IMMP2L: variants seen among roughly 807,000 people sequenced by gnomAD.
The protein encoded by IMMP2L is inner mitochondrial membrane peptidase subunit 2.
IMMP2L carries 18 observed loss-of-function variants against 19.3 expected under a neutral mutation model. The observed-to-expected ratio is 0.93, with a 90% CI of 0.64 to 1.38. IMMP2L has a LOEUF of 1.38. IMMP2L is among the 40% of genes most tolerant of loss of function. The probability of loss-of-function intolerance (pLI) is 0.00; values close to 1 mark genes in which losing one functional copy is unlikely to be tolerated. For synonymous variants in IMMP2L, 76 were observed against 73.0 expected (o/e 1.04, Z -0.21); for missense variants, 233 against 218.2 (o/e 1.07, Z -0.43).
chr7:110,775,203 T>C (rs1290982236), intron 5 of IMMP2L, among the ~76,000 whole-genome samples: 1 of 151,892 alleles, frequency 6.6e-6, no homozygotes, highest in Non-Finnish European at 1.5e-5. Context: ...TCTTTTACTT[T>C]TCTGCATTTT....
intron 3 of IMMP2L, among the ~76,000 whole-genome samples, chr7:111,016,639 ATAT>A (rs1345573249): frequency 2.7e-5 from 3 of 109,360 alleles, no homozygotes; most frequent in Non-Finnish European, 4.9e-5. Context: ...TAATGCATAT[ATAT>A]TATGTGCATA....
At chr7:110,815,769 A>G (rs1003547204) in intron 5 of IMMP2L, among the ~76,000 whole-genome samples, 1 of 152,058 alleles carries the variant, frequency 6.6e-6, no homozygotes, top group Non-Finnish European at 1.5e-5. Context: ...TGTTTGTATT[A>G]TTCTCTGATG....
At chr7:111,515,469 T>G (rs755404082) in intron 2 of IMMP2L, among the ~76,000 whole-genome samples, 5 of 152,118 alleles carry the variant, frequency 3.3e-5, no homozygotes, top group Non-Finnish European at 7.4e-5. Context: ...ATGTGGCCAT[T>G]GAAACCAAAA....
chr7:111,101,838 C>G (rs536480407), intron 3 of IMMP2L, among the ~76,000 whole-genome samples: 1 of 151,282 alleles, frequency 6.6e-6, no homozygotes, highest in Non-Finnish European at 1.5e-5. Flanking sequence ...CTACTGCCCC[C>G]AATCTAAAAA....
rs190262421 is a variant in IMMP2L, at chr7:110,773,967, A to C, written c.409-110246T>G. On this transcript the variant is annotated intron_variant, in intron 5 of 5. Coordinates refer to ENST00000405709, the MANE Select transcript of IMMP2L (RefSeq NM_032549.4). ...AAAAGGAAGGTAGTATTGGAAACAG[A>C]CATATTTTCTTTCTGTATCTCTAGA... Among the ~76,000 whole-genome samples, 290 of 152,058 alleles carry C rather than the reference A, an allele frequency of 1.9e-3. 2 individuals carry two copies. In the South Asian group the frequency reaches 0.026, roughly 14 times the overall value.
intron 4 of IMMP2L, among the ~76,000 whole-genome samples, chr7:110,949,792 A>G (rs1682101378): frequency 6.6e-6 from 1 of 152,184 alleles, no homozygotes; most frequent in African/African-American, 2.4e-5. Flanking sequence ...ACGTCGCAAT[A>G]TGCAGGAAGA....
chr7:110,815,404 C>G (rs545717578), intron 5 of IMMP2L, among the ~76,000 whole-genome samples: 1 of 152,126 alleles, frequency 6.6e-6, no homozygotes, highest in East Asian at 1.9e-4. Context: ...CAATGTTCAT[C>G]AAGGATATTG....
intron 3 of IMMP2L, among the ~76,000 whole-genome samples, chr7:111,171,211 G>A (rs1207082658): frequency 3.3e-5 from 5 of 150,920 alleles, no homozygotes; most frequent in African/African-American, 1.2e-4. Flanking sequence ...CACACACAAA[G>A]ACATACACAG....
At chr7:111,427,960 T>C (rs77224894) in intron 3 of IMMP2L, among the ~76,000 whole-genome samples, 1,532 of 151,900 alleles carry the variant, frequency 0.01, 75 homozygotes, top group African/African-American at 0.036. Flanking sequence ...ACTAATGATA[T>C]TCATTTTAAA....
At chr7:110,752,558 T>C (rs1443602007) in intron 5 of IMMP2L, among the ~76,000 whole-genome samples, 1 of 152,086 alleles carries the variant, frequency 6.6e-6, no homozygotes, top group Non-Finnish European at 1.5e-5. Context: ...TTTTCAAGTC[T>C]AGTATTCCAG....
intron 3 of IMMP2L, among the ~76,000 whole-genome samples, chr7:111,429,738 A>G (rs2131673529): frequency 6.6e-6 from 1 of 152,022 alleles, no homozygotes; most frequent in South Asian, 2.1e-4. Flanking sequence ...CAAAGGCAAA[A>G]GAATTTTGAA....
At chr7:111,191,431 T>TACACACACACACACACACAC (rs57414194) in intron 3 of IMMP2L, among the ~76,000 whole-genome samples, 1 of 146,664 alleles carries the variant, frequency 6.8e-6, no homozygotes, top group African/African-American at 2.6e-5. Context: ...GCTGCTCAAA[T>TACACACACACACACACACAC]ACACACACAC....
At chr7:111,227,001 C>A (rs1586923768) in intron 3 of IMMP2L, among the ~76,000 whole-genome samples, 1 of 151,970 alleles carries the variant, frequency 6.6e-6, no homozygotes, top group African/African-American at 2.4e-5. Flanking sequence ...ATTCATATCC[C>A]TGATGAAATA....
intron 3 of IMMP2L, among the ~76,000 whole-genome samples, chr7:111,189,544 A>C (rs1808642962): frequency 1.3e-5 from 2 of 152,018 alleles, no homozygotes; most frequent in Non-Finnish European, 1.5e-5. Flanking sequence ...TTCCTATCAC[A>C]GATAACCTAA....
chr7:111,555,678 T>C (rs1230300798), intron 1 of IMMP2L, among the ~76,000 whole-genome samples: 2 of 152,094 alleles, frequency 1.3e-5, no homozygotes, highest in Non-Finnish European at 2.9e-5. Context: ...TTACTTCACT[T>C]AGCATAATGT....
chr7:110,669,081 GTGTGTGTGTATA>G (rs1791695202), intron 5 of IMMP2L, among the ~76,000 whole-genome samples: 3 of 88,634 alleles, frequency 3.4e-5, no homozygotes, highest in African/African-American at 1.6e-4. Context: ...GTGTGTGTGT[GTGTGTGTGTATA>G]TGTATATATA....
intron 3 of IMMP2L, among the ~76,000 whole-genome samples, chr7:111,262,510 ACTATGT>A (rs1296617912): frequency 5.3e-5 from 8 of 152,048 alleles, no homozygotes; most frequent in Non-Finnish European, 1.5e-5. Context: ...AAGGCAGTTG[ACTATGT>A]CTACACCCCT....
intron 3 of IMMP2L, among the ~76,000 whole-genome samples, chr7:111,391,057 T>C (rs185335494): frequency 6.6e-6 from 1 of 152,300 alleles, no homozygotes; most frequent in Admixed American, 6.5e-5. Context: ...TATTATCTAC[T>C]ATAATAGCAG....
rs190301162 is a variant in IMMP2L, at chr7:111,441,942, C to T, written c.239+45296G>A. ...TCACAAGGTCAGTAGATCGAGACCA[C>T]CCTGGCCAACATGGTGAAACCCTGT... On this transcript the variant is annotated intron_variant, in intron 3 of 5. Coordinates refer to ENST00000405709, the MANE Select transcript of IMMP2L (RefSeq NM_032549.4). Among the ~76,000 whole-genome samples, 872 of 151,632 alleles carry T rather than the reference C, an allele frequency of 5.8e-3. 8 individuals carry two copies. The highest frequency in any genetic ancestry group is 9.8e-3 in the Admixed American group (149 of 15,252).
Sources: allele counts gnomAD v4.1 joint callset (sites outside exome capture counted in the v4.1 genomes callset), GRCh38; gene constraint gnomAD v4.1.1; transcripts MANE v1.5; gene names NCBI Gene and HGNC (gene_info 2026-07-23, HGNC 2026-07-21).